IGSF1: variants seen among roughly 807,000 people sequenced by gnomAD.
IGSF1 encodes immunoglobulin superfamily member 1.
Under a neutral mutation model 95.3 loss-of-function variants are expected in IGSF1, and 40 were observed. That is an observed-to-expected ratio of 0.42 (90% confidence interval 0.33 to 0.55). IGSF1 has a LOEUF of 0.55. Ranked by LOEUF, IGSF1 falls within the 20% of genes least tolerant of loss-of-function variation. IGSF1 has a pLI of 0.10. For missense variants in IGSF1, 906 were observed against 1,025.4 expected (o/e 0.88, Z 1.59); for synonymous variants, 372 against 382.9 (o/e 0.97, Z 0.33).
rs1337317370 is a variant in IGSF1 at position 131,277,043 on chromosome X, A to G, written c.2504T>C (p.Leu835Pro). The G allele has an allele frequency of 8.3e-7, 1 of 1,211,248 alleles. No individual in the cohort carries two copies. Among genetic ancestry groups the G allele is most frequent in the Non-Finnish European group, 1.1e-6 (1 of 895,132 alleles). The change falls in exon 14 of 20, where the codon CTA becomes CCA. Residue 835 changes from leucine (L) to proline (P), a missense_variant. Around this residue, in one of 5 missense-constraint regions of IGSF1, gnomAD observed 411 missense variants for 494.9 expected, o/e 0.83. Transcript: ENST00000361420. ...ATCACCAATGCCCACCGAAATGATT[A>G]GAAAGTGAGCTGCACTGGCCCCCGG... ...ASPGASAAHF[L>P]IISVGIGDGG...
chrX:131,274,035 A>G, intron 19 of IGSF1, 48 bp downstream of exon 19: 1 of 1,209,650 alleles, frequency 8.3e-7, no homozygotes, highest in Non-Finnish European at 1.1e-6. Context: ...TTGTTTTTCT[A>G]GCACCACCTG....
chrX:131,284,618 T>C, intron 5 of IGSF1: 1 of 751,281 alleles, frequency 1.3e-6, no homozygotes, highest in Non-Finnish European at 1.6e-6. Context: ...ATTTCTTCTA[T>C]ATTTAGAGAT....
Position 131,286,590 on chromosome X carries a change from C to T in IGSF1, c.70+15G>A, listed in dbSNP as rs370083445. On this transcript the variant is annotated intron_variant, in intron 2 of 19. Transcript: ENST00000361420. The stretch of plus-strand genomic sequence containing the variant: ...TGACAGGGTCACTTGCCCCTCACCC[C>T]TTCCTTGTACTCACGAATGCAAAAG... The T allele has an allele frequency of 4.2e-6, 5 of 1,201,923 alleles. No homozygotes were observed. In the South Asian group the frequency reaches 7.2e-5, roughly 17 times the overall value.
At chrX:131,286,832 G>T in intron 1 of IGSF1, 91 bp from the exon 2 acceptor site, 1 of 408,471 alleles carries the variant, frequency 2.4e-6, no homozygotes, top group Admixed American at 5.4e-5. Context: ...ACCCTACATT[G>T]TACTTCCTCA....
rs762377015 is a variant in IGSF1 at position 131,282,674 on chromosome X, A to G, written c.1016T>C (p.Val339Ala). ...CACTGGTCCTCGACACCGTAGGCTC[A>G]CATTCTGACCCATTTGGACCACAGC... is the stretch of plus-strand genomic sequence containing the variant. ...PSAVVQMGQN[V>A]SLRCRGPVDG... is the part of the protein sequence containing the mutation. The change falls in exon 7 of 20, where the codon GTG (valine) becomes GCG (alanine). Residue 339 changes from valine to alanine, a missense_variant. Physicochemically the swap from Val to Ala is moderately conservative, Grantham distance 64 (BLOSUM62 0). This residue lies in a region of IGSF1 where 442 missense variants were observed against 448.1 expected (regional missense o/e 0.99). Transcript: ENST00000361420. 4 of 1,209,405 alleles carry G rather than the reference A, an allele frequency of 3.3e-6. No homozygotes were observed. Among genetic ancestry groups the G allele is most frequent in the Non-Finnish European group, 4.5e-6 (4 of 894,586 alleles).
intron 1 of IGSF1, among the ~76,000 whole-genome samples, chrX:131,288,218 T>C (rs1197448529): frequency 8.9e-6 from 1 of 112,416 alleles, no homozygotes; most frequent in Non-Finnish European, 1.9e-5. Flanking sequence ...CTAACATTAT[T>C]GTTGTGTTGG....
intron 12 of IGSF1, 54 bp downstream of exon 12, chrX:131,278,407 T>C: frequency 9.4e-7 from 1 of 1,061,778 alleles, no homozygotes; most frequent in Middle Eastern, 2.7e-4. Context: ...GGAGCAGTGT[T>C]GGAGTCCCAG....
chrX:131,278,360 G>T, intron 12 of IGSF1, 101 bp downstream of exon 12: 1 of 847,763 alleles, frequency 1.2e-6, no homozygotes, highest in Admixed American at 3.0e-5. Flanking sequence ...AGCCCCTTGG[G>T]CTCCAGGGTC....
At position 131,275,012 on chromosome X, in the gene IGSF1, C is replaced by A; in HGVS notation, c.3459G>T (p.Glu1153Asp). ...CCAGGACCTTACCAGTCACCCAGAT[C>A]TCCAGGGAGTCACTGTGATTTGAAG... The part of the protein sequence containing the change: ...FAASNHSDSL[E>D]IWVTDKPPKP... Residue 1153 changes from glutamate to aspartate, a missense_variant, in exon 17 of 20, where the codon GAG (glutamate) becomes GAT (aspartate). Physicochemically the swap from Glu to Asp is conservative, Grantham distance 45. Coordinates refer to ENST00000361420, the MANE Select transcript of IGSF1 (RefSeq NM_001555.5). 4 of 1,211,621 alleles carry A rather than the reference C, an allele frequency of 3.3e-6. No homozygotes were observed. In the South Asian group the frequency reaches 5.3e-5, roughly 16 times the overall value.
Position 131,275,526 on chromosome X carries a change from T to C in IGSF1, c.3136A>G (p.Ser1046Gly). Reference protein sequence around the residue: ...YSCCYHPDWTSSIKIQPSNTL... With the variant: ...YSCCYHPDWTGSIKIQPSNTL... Reference sequence around the variant, plus strand: ...TTGCTAGGTTGTATCTTGATAGAACTGGTCCAGTCAGGGTGGTAGCAGCAG... The same window carrying C: ...TTGCTAGGTTGTATCTTGATAGAACCGGTCCAGTCAGGGTGGTAGCAGCAG... Residue 1046 changes from serine to glycine, a missense_variant, in exon 16 of 20, where the codon AGT becomes GGT. Physicochemically the swap from Ser to Gly is moderately conservative, Grantham distance 56. Around this residue, in one of 5 missense-constraint regions of IGSF1, gnomAD observed 411 missense variants for 494.9 expected, o/e 0.83. Coordinates refer to ENST00000361420, the MANE Select transcript of IGSF1 (RefSeq NM_001555.5). The C allele has an allele frequency of 8.3e-7, 1 of 1,211,752 alleles. No homozygotes were observed. Among genetic ancestry groups the C allele is most frequent in the Non-Finnish European group, 1.1e-6 (1 of 895,376 alleles).
chrX:131,282,375 CCTT>C (rs2080574433), intron 7 of IGSF1, 66 bp downstream of exon 7: 2 of 925,721 alleles, frequency 2.2e-6, no homozygotes, highest in East Asian at 6.2e-5. Flanking sequence ...GCTACTAGCT[CCTT>C]CTTACAACAC....
At position 131,276,056 on chromosome X, in the gene IGSF1, G is replaced by T; in HGVS notation, c.2801C>A (p.Ala934Glu). ...ACAGCTATAGTTCCCAGAGTCCTCT[G>T]CTCCAACAGTGTGGAGAAGGAAGTC... ...SADFLLHTVG[A>E]EDSGNYSCIY... Residue 934 changes from alanine to glutamate, a missense_variant, in exon 15 of 20, where the codon GCA becomes GAA. Coordinates refer to ENST00000361420, the MANE Select transcript of IGSF1 (RefSeq NM_001555.5). 2.5e-6 allele frequency: 3 copies of T among 1,208,705 alleles called. No homozygotes were observed. The highest frequency in any genetic ancestry group is 2.2e-6 in the Non-Finnish European group (2 of 893,109).
rs1603405214 is a variant in IGSF1 at position 131,281,732 on chromosome X, G to A, written c.1459C>T (p.Arg487Cys). The change falls in exon 8 of 20, where the codon CGC becomes TGC. Residue 487 changes from arginine to cysteine, a missense_variant. Around this residue, in one of 5 missense-constraint regions of IGSF1, gnomAD observed 442 missense variants for 448.1 expected, o/e 0.99. Coordinates refer to ENST00000361420, the MANE Select transcript of IGSF1 (RefSeq NM_001555.5). ...KGTGTYSCSY[R>C]VETHPNIWSH... The stretch of plus-strand genomic sequence containing the variant: ...CAGATGTTAGGATGTGTCTCTACGC[G>A]ATAGCTGCAACTGTAGGTCCCTGTG... The A allele has an allele frequency of 2.5e-6, 3 of 1,210,512 alleles. No homozygotes were observed. The highest frequency in any genetic ancestry group is 3.4e-6 in the Non-Finnish European group (3 of 894,347).
At chrX:131,284,887 G>T in intron 5 of IGSF1, 1 of 747,295 alleles carries the variant, frequency 1.3e-6, no homozygotes, top group Non-Finnish European at 1.7e-6. Flanking sequence ...TTGAATTAAT[G>T]AATGAATGCA....
In IGSF1 at chrX:131,289,264, A is replaced by G. The variant is rs757532754; in HGVS notation, c.-118T>C. The G allele has an allele frequency of 3.7e-5, 14 of 374,085 alleles. No homozygotes were observed. The highest frequency in any genetic ancestry group is 5.1e-5 in the Admixed American group (2 of 39,525). The allele number at this position is 374,085 out of a possible 1,213,427, so 30.8% of individuals were successfully genotyped here. ...TGGAGATTCTCCAGTGAGCTCCTCC[A>G]GATGCAGCAAACTGCCCGGCATGAG... is the stretch of plus-strand genomic sequence containing the variant. On this transcript the variant is annotated 5_prime_UTR_variant, in exon 1 of 20. Coordinates refer to ENST00000361420, the MANE Select transcript of IGSF1 (RefSeq NM_001555.5).
chrX:131,277,906 C>G lies in IGSF1; in HGVS notation c.2270G>C (p.Arg757Pro). Reference sequence around the variant, plus strand: ...ACTGGGCTCAGACCACTTGAAGGGGCGTTTTTCAGTGTGAGTGCGGCAGCT... The same window carrying G: ...ACTGGGCTCAGACCACTTGAAGGGGGGTTTTTCAGTGTGAGTGCGGCAGCT... ...NYSCRTHTEK[R>P]PFKWSEPSEP... Residue 757 changes from arginine (R) to proline (P), a missense_variant, in exon 13 of 20, where the codon CGC becomes CCC. Around this residue, in one of 5 missense-constraint regions of IGSF1, gnomAD observed 411 missense variants for 494.9 expected, o/e 0.83. Coordinates refer to ENST00000361420, the MANE Select transcript of IGSF1 (RefSeq NM_001555.5). 1 of 1,210,460 alleles carries G rather than the reference C, an allele frequency of 8.3e-7. No homozygotes were observed.
At chrX:131,277,817 A>C (rs1603404397) in intron 13 of IGSF1, 39 bp downstream of exon 13, 1 of 1,143,307 alleles carries the variant, frequency 8.7e-7, no homozygotes, top group Non-Finnish European at 1.2e-6. Flanking sequence ...CTTTCCCTCC[A>C]CCCTGCCCCC....
intron 5 of IGSF1, 91 bp from the exon 6 acceptor site, chrX:131,283,355 GT>G: frequency 2.5e-6 from 2 of 794,628 alleles, no homozygotes; most frequent in South Asian, 2.6e-5. Context: ...TGAACAAGAA[GT>G]GGTAGCTGAA....
chrX:131,282,061 C>G (rs1476553770), intron 7 of IGSF1, 117 bp from the exon 8 acceptor site: 1 of 661,157 alleles, frequency 1.5e-6, no homozygotes, highest in African/African-American at 2.2e-5. Context: ...TCCACTTGGC[C>G]AGTGGCTTCA....
Sources: gnomAD v4.1 joint callset for allele counts (sites outside exome capture counted in the v4.1 genomes callset) on GRCh38, gnomAD v4.1.1 for gene constraint, gnomAD v4.1.1 regional missense constraint, MANE v1.5 for transcripts, NCBI Gene and HGNC (gene_info 2026-07-23, HGNC 2026-07-21) for gene names.